Variants in CTNNA3 observed in about 807,000 individuals in gnomAD.
CTNNA3 encodes catenin alpha-3.
A neutral mutation model predicts 95.7 loss-of-function variants in CTNNA3; 76 were observed. That is an observed-to-expected ratio of 0.79 (90% CI 0.66 to 0.96). The LOEUF is 0.96. Ranked by LOEUF, CTNNA3 falls within the 40% of genes least tolerant of loss-of-function variation. The pLI is 0.00. For missense variants in CTNNA3, 1,191 were observed against 1,089.8 expected (o/e 1.09, Z -1.31); for synonymous variants, 431 against 374.4 (o/e 1.15, Z -1.74).
In CTNNA3 at chr10:66,164,536, T is replaced by A. The variant is rs1463833993; in HGVS notation, c.1885-61287A>T. On this transcript the variant is annotated intron_variant, in intron 13 of 17. Transcript: ENST00000433211. ...GGACACTGTTTTTTTTTTTTTTAGA[T>A]GTTTCCCTCTTCCCCTCAGACACAT... Among the ~76,000 whole-genome samples, 6 of 151,876 alleles carry A rather than the reference T, an allele frequency of 4.0e-5. No individual in the cohort carries two copies. The East Asian group carries it at 1.2e-3, about 29-fold the overall frequency.
intron 7 of CTNNA3, among the ~76,000 whole-genome samples, chr10:67,066,588 T>C (rs1856106685): frequency 6.7e-6 from 1 of 148,620 alleles, no homozygotes; most frequent in Non-Finnish European, 1.5e-5. Flanking sequence ...AGCCAAAATA[T>C]CAAGTCTAGA....
chr10:66,697,432 T>C (rs1330665753), intron 9 of CTNNA3, among the ~76,000 whole-genome samples: 1 of 151,680 alleles, frequency 6.6e-6, no homozygotes, highest in South Asian at 2.1e-4. Context: ...AAAATTTATA[T>C]ACACAAACAC....
Position 66,360,816 on chromosome 10 carries a change from C to CCTTCCTTTCTTTCTTT in CTNNA3, c.1732+18335_1732+18336insAAAGAAAGAAAGGAAG, listed in dbSNP as rs1491560905. Among the ~76,000 whole-genome samples, 20 of 50,274 alleles carry CCTTCCTTTCTTTCTTT rather than the reference C, an allele frequency of 4.0e-4. 1 individual carries two copies. Among genetic ancestry groups the CCTTCCTTTCTTTCTTT allele is most frequent in the Non-Finnish European group, 5.4e-4 (14 of 25,834 alleles). 33.0% of individuals were successfully genotyped at this position (50,274 alleles called of 152,430 possible). ...TCCTTCCTTCCTTCCTTCCTTCCTT[C>CCTTCCTTTCTTTCTTT]CTTTCTTTCTTTCTTTCTTTCTTTC... On this transcript the variant is annotated intron_variant, in intron 12 of 17. Transcript: ENST00000433211.
intron 9 of CTNNA3, among the ~76,000 whole-genome samples, chr10:66,751,222 T>C (rs1839125119): frequency 6.6e-6 from 1 of 152,070 alleles, no homozygotes; most frequent in Admixed American, 6.5e-5. Context: ...GAGCCTAGAT[T>C]GTGCCACTGC....
chr10:66,814,266 G>GA lies in CTNNA3; in HGVS notation c.1048-38743dup, dbSNP rs71035182. ...AGAATGTTTAAAGTAAAGGAGGAAA[G>GA]AAAAAAAAAAAAAAAAGAAACATCA... On this transcript the variant is annotated intron_variant, in intron 7 of 17. Transcript: ENST00000433211. Among the ~76,000 whole-genome samples the GA allele has an allele frequency of 1.5e-3, 211 of 137,118 alleles. 1 individual carries two copies. Among genetic ancestry groups the GA allele is most frequent in the Non-Finnish European group, 2.5e-3 (159 of 63,448 alleles). The allele number at this position is 137,118 out of a possible 152,430, so 90.0% of individuals were successfully genotyped here.
At chr10:66,610,842 G>A (rs541391455) in intron 10 of CTNNA3, among the ~76,000 whole-genome samples, 1 of 151,988 alleles carries the variant, frequency 6.6e-6, no homozygotes, top group Non-Finnish European at 1.5e-5. Context: ...GTTTATTGCA[G>A]CACTGTTCAC....
chr10:67,232,870 G>T (rs975053931), intron 5 of CTNNA3, among the ~76,000 whole-genome samples: 1 of 151,894 alleles, frequency 6.6e-6, no homozygotes, highest in Non-Finnish European at 1.5e-5. Context: ...CCTAGTCTCT[G>T]ATAAAACAGA....
In CTNNA3 at chr10:67,733,170, C is replaced by T. The variant is rs144374449; in HGVS notation, c.-2+30264G>A. Among the ~76,000 whole-genome samples, 1,450 of 152,220 alleles carry T rather than the reference C, an allele frequency of 9.5e-3. 21 individuals are homozygous for T. The highest frequency in any genetic ancestry group is 0.033 in the African/African-American group (1,378 of 41,526). On this transcript the variant is annotated intron_variant, in intron 1 of 17. Coordinates refer to the CTNNA3 transcript ENST00000684154. The stretch of plus-strand genomic sequence containing the variant: ...GAGTTAACCAGGTACCTTTATTACA[C>T]ACCTAAACATTTAAATTTTTAATTA...
intron 9 of CTNNA3, among the ~76,000 whole-genome samples, chr10:66,684,484 AT>A (rs1847177142): frequency 6.6e-6 from 1 of 152,092 alleles, no homozygotes; most frequent in Non-Finnish European, 1.5e-5. Context: ...TTTCCTTTTA[AT>A]TATAAAGCAC....
intron 13 of CTNNA3, among the ~76,000 whole-genome samples, chr10:66,115,681 T>C (rs1467353170): frequency 6.6e-6 from 1 of 152,116 alleles, no homozygotes. Flanking sequence ...ATCGTTAAGC[T>C]GCCAGGTATA....
chr10:66,401,248 C>T (rs916586501), intron 11 of CTNNA3, among the ~76,000 whole-genome samples: 6 of 151,960 alleles, frequency 3.9e-5, no homozygotes, highest in African/African-American at 1.2e-4. Context: ...ACATATAGTC[C>T]GGGAGCAGTG....
intron 5 of CTNNA3, among the ~76,000 whole-genome samples, chr10:67,514,997 C>T (rs576491366): frequency 1.7e-3 from 253 of 152,116 alleles, no homozygotes; most frequent in Non-Finnish European, 3.0e-3. Context: ...GAATAGCAAA[C>T]CTTAGGAATT....
chr10:66,614,114 T>C (rs1380759932), intron 10 of CTNNA3, among the ~76,000 whole-genome samples: 1 of 152,094 alleles, frequency 6.6e-6, no homozygotes, highest in African/African-American at 2.4e-5. Context: ...TCAGAACAAG[T>C]TGCTGTTTTT....
At chr10:67,739,819 T>C (rs1406994384) in intron 1 of CTNNA3, among the ~76,000 whole-genome samples, 12 of 152,134 alleles carry the variant, frequency 7.9e-5, no homozygotes, top group African/African-American at 7.2e-5. Context: ...TTAAAGTTCA[T>C]ATGGAACCAA....
intron 9 of CTNNA3, among the ~76,000 whole-genome samples, chr10:66,718,453 G>A (rs1848523090): frequency 6.6e-6 from 1 of 151,716 alleles, no homozygotes; most frequent in African/African-American, 2.4e-5. Flanking sequence ...TAAATTTTAA[G>A]GAAAAAGAGG....
intron 1 of CTNNA3, among the ~76,000 whole-genome samples, chr10:67,722,928 G>C (rs1564840273): frequency 6.6e-6 from 1 of 151,362 alleles, no homozygotes; most frequent in Non-Finnish European, 1.5e-5. Flanking sequence ...CTATAACACA[G>C]AGTTTTACTT....
chr10:66,763,141 A>T (rs1839669548), intron 9 of CTNNA3, among the ~76,000 whole-genome samples: 1 of 151,984 alleles, frequency 6.6e-6, no homozygotes, highest in Admixed American at 6.6e-5. Context: ...TCTAAAACTG[A>T]TATATTTAGG....
chr10:66,846,577 ATGTG>A (rs548378811), intron 7 of CTNNA3, among the ~76,000 whole-genome samples: 3 of 149,756 alleles, frequency 2.0e-5, no homozygotes, highest in South Asian at 2.1e-4. Context: ...TATATACCAT[ATGTG>A]TGTGTGTGTG....
intron 7 of CTNNA3, among the ~76,000 whole-genome samples, chr10:67,143,425 T>TAAAA (rs61603392): frequency 0.068 from 5,192 of 75,894 alleles, 536 homozygotes; most frequent in Middle Eastern, 0.13. Context: ...GGCTCTGTCT[T>TAAAA]AAAAAAAAAA....
Sources: allele counts gnomAD v4.1 joint callset (sites outside exome capture counted in the v4.1 genomes callset), GRCh38; gene constraint gnomAD v4.1.1; transcripts MANE v1.5; gene names NCBI Gene and HGNC (gene_info 2026-07-23, HGNC 2026-07-21).